The following RHOBTB1 variants were observed in gnomAD, a reference collection of about 807,000 sequenced individuals.
RHOBTB1 encodes the protein rho-related BTB domain-containing protein 1.
RHOBTB1 carries 40 observed loss-of-function variants against 71.6 expected under a neutral mutation model. That is an observed-to-expected ratio of 0.56 (90% CI 0.43 to 0.73). RHOBTB1 has a LOEUF of 0.73. Among genes scored for constraint, RHOBTB1 ranks in the 30% least tolerant of loss-of-function variants. The pLI is 0.00. For missense variants in RHOBTB1, 797 were observed against 894.0 expected (o/e 0.89, Z 1.38); for synonymous variants, 319 against 334.9 (o/e 0.95, Z 0.52).
At chr10:60,949,286 T>G (rs1013339877) in intron 2 of RHOBTB1, among the ~76,000 whole-genome samples, 7 of 152,210 alleles carry the variant, frequency 4.6e-5, no homozygotes, top group Non-Finnish European at 1.0e-4. Context: ...AGCTTTCATG[T>G]CATGGATATG....
chr10:60,904,547 T>A (rs1335247748), intron 4 of RHOBTB1, among the ~76,000 whole-genome samples: 13 of 152,174 alleles, frequency 8.5e-5, no homozygotes, highest in Admixed American at 2.6e-4. Flanking sequence ...TTGCTTGGCG[T>A]CCCTTACTCA....
At position 60,943,288 on chromosome 10, in the gene RHOBTB1, G is replaced by A. The variant is rs532208946; in HGVS notation, c.-62+683C>T. Among the ~76,000 whole-genome samples, 28 of 152,320 alleles carry A rather than the reference G, an allele frequency of 1.8e-4. No individual in the cohort carries two copies. The South Asian group carries it at 5.8e-3, about 32-fold the overall frequency. ...ATGGAAACGGTGCAGCTAACAGTAG[G>A]ATCTAATGATATATTTCTACATAGT... is the stretch of plus-strand genomic sequence containing the variant. On this transcript the variant is annotated intron_variant, in intron 1 of 10. Coordinates refer to ENST00000337910, the MANE Select transcript of RHOBTB1 (RefSeq NM_014836.5).
intron 5 of RHOBTB1, among the ~76,000 whole-genome samples, chr10:60,889,917 A>G (rs1447636756): frequency 6.6e-6 from 1 of 152,192 alleles, no homozygotes. Context: ...TACTCTCTTC[A>G]TCACCTTCAC....
intron 8 of RHOBTB1, among the ~76,000 whole-genome samples, 184 bp from the exon 9 acceptor site, chr10:60,875,226 T>C (rs1216358147): frequency 6.6e-6 from 1 of 152,170 alleles, no homozygotes; most frequent in Non-Finnish European, 1.5e-5. Flanking sequence ...GGGGTTCTGC[T>C]GCCAGCCACT....
In RHOBTB1 at chr10:60,958,759, C is replaced by T. The variant is rs141817738; in HGVS notation, c.-61-16905G>A. Reference sequence around the variant, plus strand: ...GGGATTACAGGTGTGCACCACCATGCCCAGTAAATTTTTGTATTTTTAGTA... The same window carrying T: ...GGGATTACAGGTGTGCACCACCATGTCCAGTAAATTTTTGTATTTTTAGTA... On this transcript the variant is annotated intron_variant, in intron 2 of 11. Transcript: ENST00000357917. Among the ~76,000 whole-genome samples the T allele has an allele frequency of 5.7e-3, 868 of 152,090 alleles. 4 individuals carry two copies. The highest frequency in any genetic ancestry group is 0.01 in the Non-Finnish European group (697 of 67,996).
rs542842990 is a variant in RHOBTB1 at position 60,899,463 on chromosome 10, C to T, written c.297-6468G>A. ...AAGAAAACTTCAGTGTCAGCTACCG[C>T]GCTACATGGGAGGTCTCTGGGATTA... On this transcript the variant is annotated intron_variant, in intron 4 of 10. Coordinates refer to ENST00000337910, the MANE Select transcript of RHOBTB1 (RefSeq NM_014836.5). 1.6e-3 allele frequency among the ~76,000 whole-genome samples: 251 copies of T among 152,276 alleles called. 2 individuals carry two copies. The highest frequency in any genetic ancestry group is 1.6e-3 in the Non-Finnish European group (106 of 68,034).
intron 2 of RHOBTB1, among the ~76,000 whole-genome samples, chr10:60,979,259 T>C (rs540148140): frequency 2.9e-4 from 44 of 152,334 alleles, no homozygotes; most frequent in Non-Finnish European, 4.6e-4. Flanking sequence ...GTTTTGATCA[T>C]GATTCTAATT....
In RHOBTB1 at chr10:60,918,386, TGAAA is replaced by T. The variant is rs141354242; in HGVS notation, c.-10-6838_-10-6835del. 3.7e-4 allele frequency among the ~76,000 whole-genome samples: 56 copies of T among 152,298 alleles called. No homozygotes were observed. In the East Asian group the frequency reaches 9.5e-3, roughly 26 times the overall value. Reference sequence around the variant, plus strand: ...TTCATGGTGTTCTGTCCCTCTCTTATGAAAGAGACTCCCAGGAAGTTCTGCGCAT... The same window carrying T: ...TTCATGGTGTTCTGTCCCTCTCTTATGAGACTCCCAGGAAGTTCTGCGCAT... On this transcript the variant is annotated intron_variant, in intron 2 of 10. Transcript: ENST00000337910.
chr10:60,991,729 C>A lies in RHOBTB1; in HGVS notation c.-162-5784G>T, dbSNP rs377537856. ...TACAGACATGAGCCACCGCACCCGA[C>A]CTTCCCTCAGTCTTTCATGCTGCCT... On this transcript the variant is annotated intron_variant, in intron 1 of 11. Transcript: ENST00000357917. Among the ~76,000 whole-genome samples, 60 of 152,292 alleles carry A rather than the reference C, an allele frequency of 3.9e-4. No homozygotes were observed. In the South Asian group the frequency reaches 0.011, roughly 29 times the overall value.
At chr10:60,997,488 T>C (rs1461902846) in intron 1 of RHOBTB1, among the ~76,000 whole-genome samples, 3 of 152,250 alleles carry the variant, frequency 2.0e-5, no homozygotes, top group Non-Finnish European at 4.4e-5. Flanking sequence ...TAGCAAGGAT[T>C]GCTGTCTATG....
At chr10:60,937,014 C>T (rs1052183535) in intron 2 of RHOBTB1, among the ~76,000 whole-genome samples, 1 of 152,072 alleles carries the variant, frequency 6.6e-6, no homozygotes, top group Non-Finnish European at 1.5e-5. Context: ...AATTGCACCA[C>T]CAGGATAATA....
intron 4 of RHOBTB1, among the ~76,000 whole-genome samples, chr10:60,903,487 C>T (rs183500106): frequency 1.1e-4 from 16 of 152,264 alleles, no homozygotes; most frequent in Admixed American, 9.1e-4. Context: ...GAGATTACCA[C>T]CATGTTCACC....
chr10:60,992,611 C>T (rs1310167594), intron 1 of RHOBTB1, among the ~76,000 whole-genome samples: 1 of 152,190 alleles, frequency 6.6e-6, no homozygotes, highest in East Asian at 1.9e-4. Context: ...ATCAGGATCT[C>T]AATAAATAGG....
intron 2 of RHOBTB1, 48 bp from the exon 3 acceptor site, chr10:60,911,600 G>A (rs564293725): frequency 6.7e-7 from 1 of 1,496,476 alleles, no homozygotes; most frequent in South Asian, 1.2e-5. Flanking sequence ...AGGCTTTCCA[G>A]AGCAATCAAA....
chr10:60,988,531 C>T (rs1410750461), intron 1 of RHOBTB1, among the ~76,000 whole-genome samples: 1 of 151,884 alleles, frequency 6.6e-6, no homozygotes, highest in Non-Finnish European at 1.5e-5. Flanking sequence ...CATTTAGCTC[C>T]CACTCATAAG....
intron 1 of RHOBTB1, among the ~76,000 whole-genome samples, chr10:61,000,404 A>C (rs1312150034): frequency 6.6e-6 from 1 of 152,142 alleles, no homozygotes; most frequent in Non-Finnish European, 1.5e-5. Flanking sequence ...ACACCAGGGG[A>C]GACCTTCTCA....
chr10:61,000,810 C>T (rs898667211), intron 1 of RHOBTB1, among the ~76,000 whole-genome samples: 1 of 152,116 alleles, frequency 6.6e-6, no homozygotes, highest in Non-Finnish European at 1.5e-5. Context: ...AAGCAAGCCT[C>T]AATAAATCAA....
At chr10:60,954,312 A>G (rs2085513373) in intron 2 of RHOBTB1, among the ~76,000 whole-genome samples, 1 of 152,228 alleles carries the variant, frequency 6.6e-6, no homozygotes, top group Admixed American at 6.5e-5. Flanking sequence ...TACCAGGGTT[A>G]TTACACTCTT....
chr10:60,874,343 A>T (rs534459414), intron 9 of RHOBTB1, among the ~76,000 whole-genome samples: 1 of 152,328 alleles, frequency 6.6e-6, no homozygotes, highest in East Asian at 1.9e-4. Context: ...TCATTCTCAG[A>T]ATAATCTGTA....
Sources: gnomAD v4.1 joint callset for allele counts (sites outside exome capture counted in the v4.1 genomes callset) on GRCh38, gnomAD v4.1.1 for gene constraint, MANE v1.5 for transcripts, NCBI Gene and HGNC (gene_info 2026-07-23, HGNC 2026-07-21) for gene names.